MAP2: variants seen among roughly 807,000 people sequenced by gnomAD.
MAP2 encodes microtubule associated protein 2.
Under a neutral mutation model 137.6 loss-of-function variants are expected in MAP2, and 14 were observed. The observed-to-expected ratio is 0.10, with a 90% CI of 0.07 to 0.16. MAP2 has a LOEUF of 0.16. MAP2 is among the 10% of genes least tolerant of loss of function. The probability of loss-of-function intolerance (pLI) is 1.00; values close to 1 mark genes in which losing one functional copy is unlikely to be tolerated. For synonymous variants in MAP2, 786 were observed against 782.3 expected (o/e 1.00, Z -0.08); for missense variants, 2,088 against 2,191.5 (o/e 0.95, Z 0.94).
At chr2:209,637,769 T>C (rs1443989672) in intron 4 of MAP2, among the ~76,000 whole-genome samples, 1 of 152,170 alleles carries the variant, frequency 6.6e-6, no homozygotes, top group Non-Finnish European at 1.5e-5. Flanking sequence ...AGATTAATTT[T>C]TGAATACCAG....
At chr2:209,640,396 C>T (rs898817698) in intron 4 of MAP2, among the ~76,000 whole-genome samples, 2 of 151,958 alleles carry the variant, frequency 1.3e-5, no homozygotes, top group African/African-American at 4.8e-5. Flanking sequence ...AATTTGTAAT[C>T]TTAGAGTTGG....
intron 5 of MAP2, among the ~76,000 whole-genome samples, chr2:209,669,047 G>A (rs1331428821): frequency 6.6e-6 from 1 of 152,012 alleles, no homozygotes; most frequent in Non-Finnish European, 1.5e-5. Context: ...AGGTGCTGGT[G>A]TAAAGAGAAT....
intron 3 of MAP2, among the ~76,000 whole-genome samples, chr2:209,598,494 A>T (rs1300063069): frequency 1.6e-3 from 246 of 150,718 alleles, no homozygotes; most frequent in African/African-American, 5.8e-3. Flanking sequence ...CATGTGCACA[A>T]TGTGCAGGTT....
chr2:209,680,313 C>A (rs1265829567), intron 6 of MAP2, among the ~76,000 whole-genome samples: 1 of 152,076 alleles, frequency 6.6e-6, no homozygotes, highest in African/African-American at 2.4e-5. Context: ...ACACATGTTT[C>A]CAGATTGAGC....
In MAP2 at chr2:209,696,726, A is replaced by T; in HGVS notation, c.4365A>T (p.Arg1455Ser). The change falls in exon 9 of 16, where the codon AGA becomes AGT. Residue 1455 changes from arginine (R) to serine (S), a missense_variant. Around this residue, in one of 6 missense-constraint regions of MAP2, gnomAD observed 591 missense variants for 642.6 expected, o/e 0.92. Coordinates refer to ENST00000682079, the MANE Select transcript of MAP2 (RefSeq NM_001375505.1). ...VAKKEPSTVS[R>S]DEVRRKKAVY... ...AAAAGGAACCTAGCACAGTCTCCAGAGATGAAGTGAGAAGGAAAAAAGGTT... is the reference window on the plus strand; with the variant it reads ...AAAAGGAACCTAGCACAGTCTCCAGTGATGAAGTGAGAAGGAAAAAAGGTT... 1 of 1,606,922 alleles carries T rather than the reference A, an allele frequency of 6.2e-7. No individual in the cohort carries two copies. The highest frequency in any genetic ancestry group is 8.5e-7 in the Non-Finnish European group (1 of 1,178,282).
intron 4 of MAP2, among the ~76,000 whole-genome samples, chr2:209,635,338 A>G (rs1490436809): frequency 6.6e-6 from 1 of 152,182 alleles, no homozygotes; most frequent in East Asian, 1.9e-4. Context: ...ACAAATTGGC[A>G]TAGCCAGTTA....
At position 209,505,084 on chromosome 2, in the gene MAP2, T is replaced by G. The variant is rs140514789; in HGVS notation, c.-221-2508T>G. Among the ~76,000 whole-genome samples, 119 of 152,260 alleles carry G rather than the reference T, an allele frequency of 7.8e-4. 2 individuals are homozygous for G. In the Middle Eastern group the frequency reaches 0.01, roughly 13 times the overall value. On this transcript the variant is annotated intron_variant, in intron 1 of 15. Transcript: ENST00000682079. Reference sequence around the variant, plus strand: ...CTCTCCTAGTATTTTTATTTTAAATTTCTCATACTTTCTCTTTAAATTTGT... The same window carrying G: ...CTCTCCTAGTATTTTTATTTTAAATGTCTCATACTTTCTCTTTAAATTTGT...
intron 1 of MAP2, among the ~76,000 whole-genome samples, chr2:209,496,900 C>T (rs1007395509): frequency 6.6e-6 from 1 of 152,082 alleles, no homozygotes; most frequent in Non-Finnish European, 1.5e-5. Context: ...TGGCTTCAGC[C>T]TCCCCAGTAG....
At chr2:209,506,981 T>C (rs989310830) in intron 1 of MAP2, among the ~76,000 whole-genome samples, 3 of 152,168 alleles carry the variant, frequency 2.0e-5, no homozygotes, top group South Asian at 4.1e-4. Context: ...TCCTGCTTCC[T>C]GTTTTTTCCT....
chr2:209,458,657 G>GTTGTTTACC (rs1161595711), intron 1 of MAP2, among the ~76,000 whole-genome samples: 4 of 152,132 alleles, frequency 2.6e-5, no homozygotes, highest in African/African-American at 9.7e-5. Context: ...CAGCATCTGT[G>GTTGTTTACC]TTGTTTACCT....
At chr2:209,456,509 G>C (rs1357295194) in intron 1 of MAP2, among the ~76,000 whole-genome samples, 1 of 152,184 alleles carries the variant, frequency 6.6e-6, no homozygotes, top group Non-Finnish European at 1.5e-5. Context: ...GAAGCACAAA[G>C]GCTGCAAACT....
At chr2:209,596,654 T>C (rs1361822720) in intron 3 of MAP2, among the ~76,000 whole-genome samples, 1 of 152,182 alleles carries the variant, frequency 6.6e-6, no homozygotes, top group Non-Finnish European at 1.5e-5. Flanking sequence ...TTTGTTGCAG[T>C]AGAAAATCAT....
chr2:209,497,609 C>T (rs2059906352), intron 1 of MAP2, among the ~76,000 whole-genome samples: 1 of 152,146 alleles, frequency 6.6e-6, no homozygotes, highest in African/African-American at 2.4e-5. Context: ...ATAGTGCTGG[C>T]ATCAGCTCAT....
chr2:209,459,850 G>A (rs1407426861), intron 1 of MAP2, among the ~76,000 whole-genome samples: 3 of 152,218 alleles, frequency 2.0e-5, no homozygotes, highest in African/African-American at 7.2e-5. Flanking sequence ...CATCATGTTT[G>A]ACTATTCCAT....
At chr2:209,592,759 T>A (rs561579174) in intron 3 of MAP2, among the ~76,000 whole-genome samples, 77 of 152,284 alleles carry the variant, frequency 5.1e-4, no homozygotes, top group African/African-American at 1.7e-3. Flanking sequence ...AAGGTCTTTT[T>A]TCATTTAACC....
At chr2:209,594,174 T>C (rs946385818) in intron 3 of MAP2, among the ~76,000 whole-genome samples, 1 of 139,550 alleles carries the variant, frequency 7.2e-6, no homozygotes, top group Non-Finnish European at 1.5e-5. Flanking sequence ...CCAGAGGGAG[T>C]ATGGAGCAAC....
chr2:209,506,056 A>G (rs941943372), intron 1 of MAP2, among the ~76,000 whole-genome samples: 1 of 152,174 alleles, frequency 6.6e-6, no homozygotes, highest in African/African-American at 2.4e-5. Context: ...CATGACAGTT[A>G]GAGAGTTGTT....
intron 1 of MAP2, among the ~76,000 whole-genome samples, chr2:209,504,749 A>T (rs2060824712): frequency 6.6e-6 from 1 of 150,552 alleles, no homozygotes; most frequent in African/African-American, 2.4e-5. Flanking sequence ...GCAAGCTATC[A>T]TTTTTTTTTT....
At chr2:209,521,100 G>C (rs1434270015) in intron 2 of MAP2, among the ~76,000 whole-genome samples, 1 of 151,996 alleles carries the variant, frequency 6.6e-6, no homozygotes, top group African/African-American at 2.4e-5. Context: ...GGCAGGCTAA[G>C]CTTATTTCCA....
Sources: allele counts gnomAD v4.1 joint callset (sites outside exome capture counted in the v4.1 genomes callset), GRCh38; gene constraint gnomAD v4.1.1; regional missense constraint gnomAD v4.1.1; transcripts MANE v1.5; gene names NCBI Gene and HGNC (gene_info 2026-07-23, HGNC 2026-07-21).